Variants in SSBP4 observed in about 807,000 individuals in gnomAD.
SSBP4 encodes the protein single stranded DNA binding protein 4.
In SSBP4, 33 loss-of-function variants were observed where a neutral mutation model predicts 64.6. That is an observed-to-expected ratio of 0.51 (90% CI 0.39 to 0.68). The LOEUF is 0.68. SSBP4 is among the 30% of genes least tolerant of loss of function. The pLI, the probability that SSBP4 is intolerant of heterozygous loss-of-function variation, is 0.00. For missense variants in SSBP4, 583 were observed against 566.8 expected (o/e 1.03, Z -0.29); for synonymous variants, 243 against 224.0 (o/e 1.08, Z -0.76).
At position 18,419,489 on chromosome 19, in the gene SSBP4, C is replaced by G; in HGVS notation, c.-160C>G. 9.2e-7 allele frequency: 1 copy of G among 1,090,074 alleles called. No individual in the cohort carries two copies. The highest frequency in any genetic ancestry group is 4.3e-5 in the South Asian group (1 of 23,050). The allele number at this position is 1,090,074 out of a possible 1,614,324, so 67.5% of individuals were successfully genotyped here. On this transcript the variant is annotated 5_prime_UTR_variant, in exon 1 of 18. Transcript: ENST00000270061. The stretch of plus-strand genomic sequence containing the variant: ...CTGGAGCCGCCGCTGCCGCCGCCGC[C>G]GCGGCCGTCTGGAGCTCCCCCGCGC...
chr19:18,432,649 G>GGGGGGTGGGGC, intron 11 of SSBP4, 45 bp downstream of exon 11: 1 of 489,220 alleles, frequency 2.0e-6, no homozygotes, highest in East Asian at 5.0e-5. Context: ...GGGTGGGAGG[G>GGGGGGTGGGGC]ACACTGGGTG....
chr19:18,422,912 C>G (rs1415901305), intron 1 of SSBP4, among the ~76,000 whole-genome samples: 1 of 152,274 alleles, frequency 6.6e-6, no homozygotes, highest in African/African-American at 2.4e-5. Context: ...CCTTCCTTCT[C>G]TCTCTGGCCC....
At chr19:18,407,100 T>C in the SSBP4 span, among the ~76,000 whole-genome samples, 1 of 152,112 alleles carries the variant, frequency 6.6e-6, no homozygotes. Flanking sequence ...GTTAGGGGCA[T>C]GAACTTGGCT....
chr19:18,427,878 T>C lies in SSBP4; in HGVS notation c.195-20T>C. On this transcript the variant is annotated intron_variant, in intron 3 of 17. Transcript: ENST00000270061. This position sits in a 1 kb window ranked among gnomAD's most constrained non-coding sequence, Gnocchi z 4.4. ...TTGAGGGAGGCACGTGGAGCAACCA[T>C]CTTCCCCTTTGGCCCACAGCGTCTT... The C allele has an allele frequency of 1.2e-6, 2 of 1,614,006 alleles. No individual in the cohort carries two copies. Among genetic ancestry groups the C allele is most frequent in the South Asian group, 2.2e-5 (2 of 91,086 alleles).
chr19:18,433,495 G>T, intron 15 of SSBP4, 90 bp from the exon 16 acceptor site: 1 of 1,510,454 alleles, frequency 6.6e-7, no homozygotes. Flanking sequence ...CGTCGGCGGG[G>T]GCAGCTTGCG....
intron 1 of SSBP4, chr19:18,420,236 C>G (rs930295273): frequency 2.0e-5 from 3 of 152,238 alleles, no homozygotes; most frequent in Admixed American, 6.5e-5. Context: ...TGCCCTGGCC[C>G]CAGCAGCTGT....
chr19:18,419,364 C>T (rs1189389380), upstream of SSBP4: 37 of 1,023,164 alleles, frequency 3.6e-5, no homozygotes, highest in Non-Finnish European at 4.3e-5. Context: ...AGGCAGCGGG[C>T]GGGGGCGCGC....
rs965801603 is a variant in SSBP4 at position 18,430,753 on chromosome 19, G to A, written c.280-88G>A. The A allele has an allele frequency of 1.1e-5, 13 of 1,158,516 alleles. No homozygotes were observed. In the Admixed American group the frequency reaches 1.4e-4, roughly 13 times the overall value. The allele number at this position is 1,158,516 out of a possible 1,614,324, so 71.8% of individuals were successfully genotyped here. A position where few individuals can be genotyped will look rare whatever the true frequency, so the allele number is the denominator to read the frequency against. ...TGCCAGCTCGCTGTCCCATGGGGCC[G>A]GCCACCTGCAGAGAGGGGGGGCACA... On this transcript the variant is annotated intron_variant, in intron 4 of 17. Transcript: ENST00000270061.
At position 18,433,811 on chromosome 19, in the gene SSBP4, C is replaced by A; in HGVS notation, c.1122C>A (p.Ser374Arg). Residue 374 changes from serine to arginine, a missense_variant, in exon 17 of 18, where the codon AGC (serine) becomes AGA (arginine). Ser to Arg is a moderately radical substitution (Grantham distance 110). Transcript: ENST00000270061. ...GGACCTTCCTGCACCCGTTCCCGAG[C>A]GAAAGCGTAAGCGACTGCGTCGACT... ...AAGTFLHPFP[S>R]ESYSPGMTMS... is the part of the protein sequence containing the mutation. 7.0e-7 allele frequency: 1 copy of A among 1,434,082 alleles called. No homozygotes were observed. Among genetic ancestry groups the A allele is most frequent in the Non-Finnish European group, 9.1e-7 (1 of 1,097,638 alleles). The allele number at this position is 1,434,082 out of a possible 1,614,324, so 88.8% of individuals were successfully genotyped here.
intron 1 of SSBP4, among the ~76,000 whole-genome samples, chr19:18,424,378 G>A (rs965822423): frequency 2.0e-5 from 3 of 152,166 alleles, no homozygotes; most frequent in East Asian, 1.9e-4. Flanking sequence ...CCCGCCCCAC[G>A]TCAAGCTACA....
At chr19:18,419,773 C>G in intron 1 of SSBP4, 66 bp downstream of exon 1, 1 of 1,065,220 alleles carries the variant, frequency 9.4e-7, no homozygotes, top group Non-Finnish European at 1.1e-6. Flanking sequence ...CGCGGGCGGG[C>G]ACCGCGCGGG....
chr19:18,431,723 G>T lies in SSBP4; in HGVS notation c.495+17G>T. The stretch of plus-strand genomic sequence containing the variant: ...CCGAGTCAGGTGAGAAAGGGATGAG[G>T]GGAGGGCGGGCAGGAGCTGGGCCGG... On this transcript the variant is annotated intron_variant, in intron 7 of 17. Transcript: ENST00000270061. 6.5e-7 allele frequency: 1 copy of T among 1,546,966 alleles called. No homozygotes were observed. The highest frequency in any genetic ancestry group is 8.7e-7 in the Non-Finnish European group (1 of 1,144,886).
In SSBP4 at chr19:18,419,498, C is replaced by T; in HGVS notation, c.-151C>T. On this transcript the variant is annotated 5_prime_UTR_variant, in exon 1 of 18. Coordinates refer to ENST00000270061, the MANE Select transcript of SSBP4 (RefSeq NM_032627.5). ...CCGCTGCCGCCGCCGCCGCGGCCGT[C>T]TGGAGCTCCCCCGCGCGGACGATGC... 7 of 1,100,778 alleles carry T rather than the reference C, an allele frequency of 6.4e-6. No individual in the cohort carries two copies. Among genetic ancestry groups the T allele is most frequent in the Non-Finnish European group, 7.7e-6 (7 of 904,194 alleles). 68.2% of individuals were successfully genotyped at this position (1,100,778 alleles called of 1,614,324 possible).
At chr19:18,404,284 G>C in the SSBP4 span, among the ~76,000 whole-genome samples, 2 of 151,898 alleles carry the variant, frequency 1.3e-5, no homozygotes, top group Admixed American at 6.6e-5. Context: ...GATCCCCAGA[G>C]ACTTTCAGAG....
At chr19:18,430,020 C>T (rs1394394896) in intron 4 of SSBP4, among the ~76,000 whole-genome samples, 2 of 152,200 alleles carry the variant, frequency 1.3e-5, no homozygotes, top group African/African-American at 4.8e-5. Flanking sequence ...GCCCAAGTGG[C>T]TGTAGTTCAT....
Position 18,432,191 on chromosome 19 carries a change from C to T in SSBP4, c.681C>T (p.Gly227=). The T allele has an allele frequency of 4.3e-6, 7 of 1,613,136 alleles. No individual in the cohort carries two copies. Among genetic ancestry groups the T allele is most frequent in the Non-Finnish European group, 5.9e-6 (7 of 1,179,972 alleles). The part of the protein sequence containing the change: ...GMRPPPNSLA[G]PGLPAMNMGP... ...GACCCCCACCCAACTCCCTCGCCGG[C>T]CCAGGCCTGCCTGCCATGAACATGT... is the stretch of plus-strand genomic sequence containing the variant. Residue 227 remains glycine, a synonymous_variant, in exon 10 of 18, where the codon GGC becomes GGT. Transcript: ENST00000270061.
Position 18,433,149 on chromosome 19 carries a change from T to C in SSBP4, c.927T>C (p.Pro309=). 2 of 1,603,018 alleles carry C rather than the reference T, an allele frequency of 1.2e-6. No individual in the cohort carries two copies. Among genetic ancestry groups the C allele is most frequent in the South Asian group, 2.2e-5 (2 of 90,090 alleles). Residue 309 remains proline (P), a synonymous_variant, in exon 15 of 18, where the codon CCT becomes CCC. Transcript: ENST00000270061. ...GAGRANFPLG[P]GPEGPMAAMS... ...CATGCCCGCAGTTCCCGCTCGGCCC[T>C]GGCCCGGAGGGCCCCATGGCCGCCA...
chr19:18,421,562 C>T (rs1033827254), intron 1 of SSBP4, among the ~76,000 whole-genome samples: 1 of 152,180 alleles, frequency 6.6e-6, no homozygotes, highest in Admixed American at 6.5e-5. Context: ...CTGAAGAAGC[C>T]CCCACCCCAG....
chr19:18,404,269 T>TCAGAGATCCCCAGAGACTTTCA, the SSBP4 span, among the ~76,000 whole-genome samples: 1 of 151,546 alleles, frequency 6.6e-6, no homozygotes, highest in African/African-American at 2.4e-5. Flanking sequence ...TCAGAGACCC[T>TCAGAGATCCCCAGAGACTTTCA]CAGAGATCCC....
Sources: gnomAD v4.1 joint callset for allele counts (sites outside exome capture counted in the v4.1 genomes callset) on GRCh38, gnomAD v4.1.1 for gene constraint, Gnocchi (gnomAD v3.1) non-coding constraint, MANE v1.5 for transcripts, NCBI Gene and HGNC (gene_info 2026-07-23, HGNC 2026-07-21) for gene names.